The following TANC2 variants were observed in gnomAD, a reference collection of about 807,000 sequenced individuals.
TANC2 encodes protein TANC2.
In TANC2, 26 loss-of-function variants were observed where a neutral mutation model predicts 210.5. The observed-to-expected ratio is 0.12, with a 90% CI of 0.09 to 0.17. The LOEUF (loss-of-function observed/expected upper bound fraction) is 0.17. Among genes scored for constraint, TANC2 ranks in the 10% least tolerant of loss-of-function variants. TANC2 has a pLI of 1.00. For missense variants in TANC2, 2,129 were observed against 2,608.9 expected (o/e 0.82, Z 4.01); for synonymous variants, 931 against 967.1 (o/e 0.96, Z 0.69).
rs1353583551 is a variant in TANC2, at chr17:63,418,598, A to C, written c.4268+191A>C. Among the ~76,000 whole-genome samples the C allele has an allele frequency of 4.6e-5, 7 of 152,226 alleles. No homozygotes were observed. The highest frequency in any genetic ancestry group is 4.6e-4 in the Admixed American group (7 of 15,282). On this transcript the variant is annotated intron_variant, in intron 27 of 27. Transcript: ENST00000689528. This position sits in a 1 kb window ranked among gnomAD's most constrained non-coding sequence, Gnocchi z 4.6. ...GATCAGCAAATCTGCTGGGCTGTGG[A>C]GGCCACGAATGTTTCACTTCGGGAG...
rs2041268237 is a variant in TANC2 at position 63,194,095 on chromosome 17, C to G, written c.538C>G (p.Gln180Glu). The G allele has an allele frequency of 1.2e-6, 2 of 1,613,406 alleles. No homozygotes were observed. Among genetic ancestry groups the G allele is most frequent in the Non-Finnish European group, 1.7e-6 (2 of 1,179,706 alleles). ...CCTTGGAGAGAAAGTCACAGAAGTT[C>G]AGCCAGGTGACCAATACAGCATGGA... Residue 180 changes from glutamine (Q) to glutamate (E), a missense_variant, in exon 6 of 28, where the codon CAG (glutamine) becomes GAG (glutamate). Transcript: ENST00000689528.
rs150436795 is a variant in TANC2, at chr17:63,319,223, CTT to C, written c.1575+135_1575+136del. The C allele has an allele frequency of 2.0e-4, 185 of 933,410 alleles. No individual in the cohort carries two copies. In the African/African-American group the frequency reaches 2.9e-3, roughly 15 times the overall value. 57.8% of individuals were successfully genotyped at this position (933,410 alleles called of 1,614,324 possible). On this transcript the variant is annotated intron_variant, in intron 11 of 27. Coordinates refer to ENST00000689528, the Ensembl canonical transcript of TANC2. Reference sequence around the variant, plus strand: ...CATGAGAACGTGGAGGAAAGTTTCTCTTTCTTTGATATTCCTAGAAAAATACT... The same window carrying C: ...CATGAGAACGTGGAGGAAAGTTTCTCTCTTTGATATTCCTAGAAAAATACT...
chr17:63,184,643 T>G (rs1307453325), intron 5 of TANC2, among the ~76,000 whole-genome samples: 1 of 151,516 alleles, frequency 6.6e-6, no homozygotes, highest in Non-Finnish European at 1.5e-5. Context: ...ATAAAATCAT[T>G]TAGTATGTAT....
Position 63,412,823 on chromosome 17 carries a change from T to C in TANC2, c.3928+114T>C. On this transcript the variant is annotated intron_variant, in intron 24 of 27. Transcript: ENST00000689528. This position sits in a 1 kb window ranked among gnomAD's most constrained non-coding sequence, Gnocchi z 4.2. The stretch of plus-strand genomic sequence containing the variant: ...CTACACCTCTAATCTTTTAATTTAC[T>C]TCACCTTAAAAGAAGATTTTTTTTA... 1 of 1,300,532 alleles carries C rather than the reference T, an allele frequency of 7.7e-7. No individual in the cohort carries two copies. The highest frequency in any genetic ancestry group is 1.5e-5 in the African/African-American group (1 of 66,078). The allele number at this position is 1,300,532 out of a possible 1,614,324, so 80.6% of individuals were successfully genotyped here.
chr17:63,210,640 A>C (rs2041857994), intron 7 of TANC2, among the ~76,000 whole-genome samples: 2 of 152,192 alleles, frequency 1.3e-5, no homozygotes, highest in Non-Finnish European at 2.9e-5. Context: ...ATTTTGAGTA[A>C]ATAACATAGA....
intron 4 of TANC2, among the ~76,000 whole-genome samples, chr17:63,103,771 C>A (rs1431136305): frequency 1.3e-5 from 2 of 152,100 alleles, no homozygotes; most frequent in African/African-American, 4.8e-5. Flanking sequence ...TTTTTAAAGT[C>A]GCACTTTTTA....
intron 2 of TANC2, among the ~76,000 whole-genome samples, chr17:63,016,768 C>T (rs1390339694): frequency 6.6e-6 from 1 of 151,984 alleles, no homozygotes; most frequent in South Asian, 2.1e-4. Context: ...GAAGTGGTAT[C>T]TCATTGTGGT....
intron 5 of TANC2, among the ~76,000 whole-genome samples, chr17:63,176,881 A>G (rs1207627925): frequency 1.3e-5 from 2 of 151,966 alleles, no homozygotes; most frequent in African/African-American, 4.8e-5. Context: ...TTTGCCTGCA[A>G]AGGGACACAT....
At chr17:62,967,239 A>G (rs1361441209) in intron 1 of TANC2, 1 of 152,228 alleles carries the variant, frequency 6.6e-6, no homozygotes, top group Non-Finnish European at 1.5e-5. Context: ...AAAGATTAAT[A>G]AGGCTCATTG....
At chr17:63,296,886 A>G (rs1472843400) in intron 9 of TANC2, among the ~76,000 whole-genome samples, 2 of 152,178 alleles carry the variant, frequency 1.3e-5, no homozygotes, top group Admixed American at 6.5e-5. Flanking sequence ...AGAGAAAGAA[A>G]AAAGAATATG....
intron 1 of TANC2, among the ~76,000 whole-genome samples, chr17:62,988,885 A>G (rs1340244178): frequency 6.6e-6 from 1 of 152,232 alleles, no homozygotes; most frequent in East Asian, 1.9e-4. Flanking sequence ...AAGAAGCAAG[A>G]TTAGTGTTCT....
chr17:63,319,294 G>GA (rs1463441756), intron 11 of TANC2, among the ~76,000 whole-genome samples: 2 of 152,050 alleles, frequency 1.3e-5, no homozygotes, highest in Non-Finnish European at 2.9e-5. Context: ...AAGACCCTTA[G>GA]AAAAAACGTC....
chr17:63,316,827 A>G (rs925025508), intron 10 of TANC2, among the ~76,000 whole-genome samples: 1 of 152,156 alleles, frequency 6.6e-6, no homozygotes, highest in Non-Finnish European at 1.5e-5. Context: ...TTTTGGCACA[A>G]ATCTGTTACC....
chr17:63,193,111 A>G (rs1227691105), intron 5 of TANC2, among the ~76,000 whole-genome samples: 3 of 152,190 alleles, frequency 2.0e-5, no homozygotes, highest in African/African-American at 7.2e-5. Flanking sequence ...TTATCAAGGA[A>G]TAAGAAGCTT....
intron 8 of TANC2, among the ~76,000 whole-genome samples, chr17:63,267,419 AG>A (rs2146267182): frequency 6.6e-6 from 1 of 152,180 alleles, no homozygotes; most frequent in Non-Finnish European, 1.5e-5. Context: ...TTATGAAGTA[AG>A]GGTTTATGTT....
chr17:63,199,882 TA>T (rs1483075149), intron 6 of TANC2, among the ~76,000 whole-genome samples: 1 of 152,246 alleles, frequency 6.6e-6, no homozygotes, highest in Non-Finnish European at 1.5e-5. Context: ...AGAAGTTATT[TA>T]GGTTTGTATT....
intron 5 of TANC2, among the ~76,000 whole-genome samples, chr17:63,160,565 A>G (rs1452967583): frequency 6.6e-6 from 1 of 152,198 alleles, no homozygotes; most frequent in East Asian, 1.9e-4. Flanking sequence ...GTTGCTGAAC[A>G]TTTAAATTGT....
At chr17:63,302,970 C>T (rs1464955603) in intron 9 of TANC2, among the ~76,000 whole-genome samples, 1 of 152,090 alleles carries the variant, frequency 6.6e-6, no homozygotes, top group Non-Finnish European at 1.5e-5. Flanking sequence ...CCATGTTGGC[C>T]AGGCTGGTCT....
intron 19 of TANC2, among the ~76,000 whole-genome samples, chr17:63,401,005 G>A (rs958549845): frequency 6.6e-6 from 1 of 151,958 alleles, no homozygotes; most frequent in Admixed American, 6.6e-5. Context: ...AAAAAATTCT[G>A]GAAAATAATG....
Sources: gnomAD v4.1 joint callset for allele counts (sites outside exome capture counted in the v4.1 genomes callset) on GRCh38, gnomAD v4.1.1 for gene constraint, Gnocchi (gnomAD v3.1) non-coding constraint, MANE v1.5 for transcripts, NCBI Gene and HGNC (gene_info 2026-07-23, HGNC 2026-07-21) for gene names.